The following FGD4 variants were observed in gnomAD, a reference collection of about 807,000 sequenced individuals.
The protein encoded by FGD4 is FYVE, RhoGEF and PH domain containing 4.
In FGD4, 42 loss-of-function variants were observed where a neutral mutation model predicts 102.0. That is an observed-to-expected ratio of 0.41 (90% confidence interval 0.32 to 0.53). The LOEUF is 0.53. FGD4 is among the 20% of genes least tolerant of loss of function. The pLI is 0.21. For missense variants in FGD4, 902 were observed against 1,078.2 expected (o/e 0.84, Z 2.29); for synonymous variants, 380 against 375.7 (o/e 1.01, Z -0.13).
chr12:32,500,183 AG>A, intron 1 of FGD4, among the ~76,000 whole-genome samples: 1 of 152,236 alleles, frequency 6.6e-6, no homozygotes, highest in East Asian at 1.9e-4. Flanking sequence ...GGTGAGACCA[AG>A]GGCAAAGAGC....
intron 1 of FGD4, among the ~76,000 whole-genome samples, chr12:32,437,367 T>G (rs956361907): frequency 2.0e-4 from 30 of 152,184 alleles, no homozygotes; most frequent in African/African-American, 6.5e-4. Context: ...AGAAAAGCCC[T>G]CTGCTCAGGA....
intron 1 of FGD4, among the ~76,000 whole-genome samples, chr12:32,480,857 G>T (rs949187374): frequency 1.3e-5 from 2 of 150,352 alleles, no homozygotes; most frequent in Admixed American, 6.6e-5. Context: ...AGGCTGGAGT[G>T]TTGTGGCACC....
chr12:32,402,455 G>A (rs897760269), intron 1 of FGD4, among the ~76,000 whole-genome samples: 1 of 151,802 alleles, frequency 6.6e-6, no homozygotes, highest in African/African-American at 2.4e-5. Flanking sequence ...GAGAGAGATG[G>A]GGTCTCACTG....
intron 3 of FGD4, among the ~76,000 whole-genome samples, chr12:32,580,047 C>T (rs1592287193): frequency 6.6e-6 from 1 of 152,310 alleles, no homozygotes; most frequent in Non-Finnish European, 1.5e-5. Flanking sequence ...GGAAGATAAT[C>T]AACCCTAGAC....
At chr12:32,588,448 T>A (rs1336108504) in intron 4 of FGD4, among the ~76,000 whole-genome samples, 1 of 152,194 alleles carries the variant, frequency 6.6e-6, no homozygotes, top group Non-Finnish European at 1.5e-5. Context: ...GTGAATTCAC[T>A]GTTGTTAGCA....
chr12:32,485,622 T>C (rs1328998222), intron 1 of FGD4, among the ~76,000 whole-genome samples: 4 of 151,716 alleles, frequency 2.6e-5, no homozygotes, highest in Non-Finnish European at 5.9e-5. Context: ...TTTTTTGTAT[T>C]TTCAGTAGAG....
chr12:32,577,768 A>G (rs144871936), intron 3 of FGD4, among the ~76,000 whole-genome samples: 1 of 152,190 alleles, frequency 6.6e-6, no homozygotes, highest in East Asian at 1.9e-4. Flanking sequence ...TTTGCTGCTC[A>G]GGGTAAATTG....
chr12:32,587,907 A>T (rs1947176875), intron 4 of FGD4, among the ~76,000 whole-genome samples: 1 of 152,200 alleles, frequency 6.6e-6, no homozygotes, highest in African/African-American at 2.4e-5. Flanking sequence ...CCCAGGAAAG[A>T]GGGTAAGAAT....
At chr12:32,619,128 G>A (rs1949635796) in intron 10 of FGD4, among the ~76,000 whole-genome samples, 1 of 152,090 alleles carries the variant, frequency 6.6e-6, no homozygotes, top group South Asian at 2.1e-4. Context: ...AATTTACTTA[G>A]TGCAGTAGTA....
intron 13 of FGD4, 42 bp from the exon 14 acceptor site, chr12:32,625,612 T>C (rs1836401611): frequency 7.5e-6 from 12 of 1,596,286 alleles, no homozygotes; most frequent in Non-Finnish European, 8.6e-6. Flanking sequence ...AAGGGAATTA[T>C]AGTTTTTTTC....
chr12:32,436,119 A>G (rs931788515), intron 1 of FGD4, among the ~76,000 whole-genome samples: 5 of 152,230 alleles, frequency 3.3e-5, no homozygotes, highest in Admixed American at 2.6e-4. Flanking sequence ...GTCACTGGAC[A>G]CCGTGATGTA....
At chr12:32,620,855 G>A (rs1180178685) in intron 11 of FGD4, among the ~76,000 whole-genome samples, 1 of 150,810 alleles carries the variant, frequency 6.6e-6, no homozygotes, top group Non-Finnish European at 1.5e-5. Context: ...TAGAGACAGG[G>A]TTTCACCATG....
chr12:32,488,266 A>G (rs1032725), intron 1 of FGD4, among the ~76,000 whole-genome samples: 49,929 of 151,972 alleles, frequency 0.33, 8,282 homozygotes, highest in East Asian at 0.45. Context: ...GCACCAAGAT[A>G]GTGTACTGAC....
rs117179712 is a variant in FGD4, at chr12:32,587,089, C to T, written c.1011+4622C>T. Among the ~76,000 whole-genome samples, 83 of 148,906 alleles carry T rather than the reference C, an allele frequency of 5.6e-4. 1 individual carries two copies. In the East Asian group the frequency reaches 0.017, roughly 30 times the overall value. ...ACCTGTAGTCCCAGCTACTAGCAGG[C>T]TGAGGCAGGCGAATTGCTTGAATTC... On this transcript the variant is annotated intron_variant, in intron 4 of 16. Coordinates refer to ENST00000534526, the MANE Select transcript of FGD4 (RefSeq NM_001370298.3).
intron 1 of FGD4, among the ~76,000 whole-genome samples, chr12:32,435,956 A>G (rs1942214817): frequency 6.6e-6 from 1 of 152,252 alleles, no homozygotes. Context: ...GTGGGACAGA[A>G]GCTTGCTCCT....
intron 1 of FGD4, among the ~76,000 whole-genome samples, chr12:32,486,463 A>G (rs1194853264): frequency 6.6e-6 from 1 of 152,236 alleles, no homozygotes; most frequent in Non-Finnish European, 1.5e-5. Flanking sequence ...AAGTGCAACC[A>G]CTGTTGACCC....
At chr12:32,640,176 G>C in intron 16 of FGD4, 100 bp from the exon 17 acceptor site, 1 of 1,586,814 alleles carries the variant, frequency 6.3e-7, no homozygotes, top group Non-Finnish European at 8.6e-7. Flanking sequence ...GTTTAAGTCT[G>C]TTTGGGACAG....
At chr12:32,546,388 C>G (rs2136162724) in intron 1 of FGD4, among the ~76,000 whole-genome samples, 1 of 152,340 alleles carries the variant, frequency 6.6e-6, no homozygotes, top group African/African-American at 2.4e-5. Context: ...ATGCAAAACA[C>G]ATATTGACCT....
chr12:32,486,023 A>G, intron 1 of FGD4: 1 of 1,460,482 alleles, frequency 6.8e-7, no homozygotes, highest in Non-Finnish European at 9.0e-7. Flanking sequence ...CTAGTGTCTA[A>G]ATACAGAATG....
Sources: allele counts gnomAD v4.1 joint callset (sites outside exome capture counted in the v4.1 genomes callset), GRCh38; gene constraint gnomAD v4.1.1; transcripts MANE v1.5; gene names NCBI Gene and HGNC (gene_info 2026-07-23, HGNC 2026-07-21).